Variants in ALPK1 observed in about 807,000 individuals in gnomAD.
ALPK1 encodes alpha-protein kinase 1.
ALPK1 carries 110 observed loss-of-function variants against 120.6 expected under a neutral mutation model. That is an observed-to-expected ratio of 0.91 (90% CI 0.78 to 1.07). The LOEUF (loss-of-function observed/expected upper bound fraction) is 1.07. ALPK1 is among the 50% of genes least tolerant of loss of function. ALPK1 has a pLI of 0.00. For synonymous variants in ALPK1, 582 were observed against 560.3 expected (o/e 1.04, Z -0.55); for missense variants, 1,498 against 1,483.9 (o/e 1.01, Z -0.16).
intron 4 of ALPK1, 51 bp downstream of exon 4, chr4:112,382,603 T>C: frequency 6.2e-7 from 1 of 1,613,460 alleles, no homozygotes; most frequent in Non-Finnish European, 8.5e-7. Context: ...GTGAGGCATT[T>C]AGACTCTAAG....
chr4:112,323,042 G>A (rs1302246376), intron 2 of ALPK1, among the ~76,000 whole-genome samples: 2 of 152,144 alleles, frequency 1.3e-5, no homozygotes, highest in Non-Finnish European at 2.9e-5. Flanking sequence ...GCTGACCGCA[G>A]TCACTTTCTA....
chr4:112,413,504 G>A (rs1733589900), intron 5 of ALPK1, among the ~76,000 whole-genome samples: 1 of 152,086 alleles, frequency 6.6e-6, no homozygotes, highest in South Asian at 2.1e-4. Context: ...CTGCAGCCTC[G>A]ACTTCTGGGG....
At chr4:112,389,014 C>T (rs1313122584) in intron 4 of ALPK1, among the ~76,000 whole-genome samples, 1 of 151,374 alleles carries the variant, frequency 6.6e-6, no homozygotes, top group Non-Finnish European at 1.5e-5. Flanking sequence ...TCTGTTCTTT[C>T]CATTCAGGGG....
At chr4:112,324,942 G>C (rs1414156386) in intron 2 of ALPK1, among the ~76,000 whole-genome samples, 1 of 124,670 alleles carries the variant, frequency 8.0e-6, no homozygotes, top group Admixed American at 9.2e-5. Context: ...TAATTAATGA[G>C]AAGAAGGAGA....
At chr4:112,301,695 T>C (rs973121147) in intron 1 of ALPK1, among the ~76,000 whole-genome samples, 1 of 152,190 alleles carries the variant, frequency 6.6e-6, no homozygotes, top group Admixed American at 6.5e-5. Context: ...ATTTGATACA[T>C]GGGATACAGA....
chr4:112,423,156 C>A (rs1262069533), intron 5 of ALPK1, among the ~76,000 whole-genome samples: 3 of 152,100 alleles, frequency 2.0e-5, no homozygotes, highest in African/African-American at 7.2e-5. Flanking sequence ...TCAGGGGAGG[C>A]CTTCAGAGAC....
At chr4:112,313,064 A>T (rs1232514313) in intron 1 of ALPK1, among the ~76,000 whole-genome samples, 1 of 152,246 alleles carries the variant, frequency 6.6e-6, no homozygotes, top group Admixed American at 6.5e-5. Flanking sequence ...CCAGGGGTTC[A>T]ATGTGAACTC....
At chr4:112,349,551 G>GC (rs10625139) in intron 2 of ALPK1, among the ~76,000 whole-genome samples, 36,162 of 103,612 alleles carry the variant, frequency 0.35, 6,646 homozygotes, top group East Asian at 0.58. Flanking sequence ...CCCAACCCCT[G>GC]CCCCCCCCCG....
rs532078134 is a variant in ALPK1, at chr4:112,431,471, C to T, written c.1924C>T (p.His642Tyr). 27 of 1,614,214 alleles carry T rather than the reference C, an allele frequency of 1.7e-5. No homozygotes were observed. The highest frequency in any genetic ancestry group is 1.3e-4 in the South Asian group (12 of 91,088). ...DREGRAMHSL[H>Y]SQLHDLSLQE... The stretch of plus-strand genomic sequence containing the variant: ...GGAAGGCAGAGCTATGCATTCATTG[C>T]ATTCACAGCTTCATGATCTCTCTCT... The change falls in exon 11 of 16, where the codon CAT becomes TAT. Residue 642 changes from histidine (H) to tyrosine (Y), a missense_variant. Transcript: ENST00000650871.
In ALPK1 at chr4:112,315,853, G is replaced by A. The variant is rs535957089; in HGVS notation, c.-101+1G>A. Reference sequence around the variant, plus strand: ...GAAATCTAATGAACCGAAACTTTGGGTAAGTTTTCATATGAAACTTTTGAG... The same window carrying A: ...GAAATCTAATGAACCGAAACTTTGGATAAGTTTTCATATGAAACTTTTGAG... On this transcript the variant is annotated splice_donor_variant, in intron 2 of 15. Coordinates refer to ENST00000650871, the MANE Select transcript of ALPK1 (RefSeq NM_025144.4). LOFTEE classifies it low-confidence loss of function (5UTR_SPLICE). 32 of 152,204 alleles carry A rather than the reference G, an allele frequency of 2.1e-4. No individual in the cohort carries two copies. The highest frequency in any genetic ancestry group is 3.4e-4 in the Non-Finnish European group (23 of 67,998). 9.4% of individuals were successfully genotyped at this position (152,204 alleles called of 1,614,324 possible). A position where few individuals can be genotyped will look rare whatever the true frequency, so the allele number is the denominator to read the frequency against.
intron 5 of ALPK1, among the ~76,000 whole-genome samples, chr4:112,416,875 C>CAA (rs56919059): frequency 1.7e-3 from 180 of 106,166 alleles, no homozygotes; most frequent in South Asian, 0.016. Flanking sequence ...GACCCTGTCT[C>CAA]AAAAAAAAAA....
chr4:112,310,417 A>G (rs1728342281), intron 1 of ALPK1, among the ~76,000 whole-genome samples: 1 of 152,130 alleles, frequency 6.6e-6, no homozygotes, highest in Non-Finnish European at 1.5e-5. Context: ...CCATTTAAAT[A>G]TATTTAAAGA....
chr4:112,383,456 G>A (rs956159593), intron 4 of ALPK1: 3 of 151,908 alleles, frequency 2.0e-5, no homozygotes, highest in African/African-American at 7.3e-5. Flanking sequence ...ATCTAAGAAA[G>A]ACCCCCTGAT....
chr4:112,314,230 C>A (rs1461105336), intron 1 of ALPK1, among the ~76,000 whole-genome samples: 3 of 152,150 alleles, frequency 2.0e-5, no homozygotes, highest in Non-Finnish European at 2.9e-5. Flanking sequence ...AAGTCCTCGT[C>A]TGATGAGGAT....
At chr4:112,359,920 C>CT (rs2148716373) in intron 2 of ALPK1, 1 of 177,456 alleles carries the variant, frequency 5.6e-6, no homozygotes, top group African/African-American at 2.4e-5. Context: ...CCAGAGAACA[C>CT]TTAAAATCTA....
chr4:112,316,515 T>C (rs1005622296), intron 2 of ALPK1, among the ~76,000 whole-genome samples: 15 of 152,182 alleles, frequency 9.9e-5, no homozygotes, highest in African/African-American at 3.6e-4. Context: ...TTCTTTTGGG[T>C]GTATGTAGAA....
At position 112,430,660 on chromosome 4, in the gene ALPK1, G is replaced by A; in HGVS notation, c.1113G>A (p.Glu371=). Residue 371 remains glutamate (E), a synonymous_variant, in exon 11 of 16, where the codon GAG becomes GAA. Transcript: ENST00000650871. ...CAGTGCACAGAAGGCTCCATGGGGA[G>A]ACAGGGACGGTCCATGCAGCAAGTC... ...LTTVHRRLHG[E]TGTVHAASQL... 6.2e-7 allele frequency: 1 copy of A among 1,614,160 alleles called. No individual in the cohort carries two copies. The highest frequency in any genetic ancestry group is 8.5e-7 in the Non-Finnish European group (1 of 1,180,016).
At chr4:112,434,633 A>G (rs555906360) in intron 11 of ALPK1, among the ~76,000 whole-genome samples, 247 of 152,308 alleles carry the variant, frequency 1.6e-3, no homozygotes, top group African/African-American at 5.4e-3. Flanking sequence ...TTTTTACAGC[A>G]GCTACATTTT....
chr4:112,329,450 C>T (rs977215562), intron 2 of ALPK1, among the ~76,000 whole-genome samples: 5 of 152,106 alleles, frequency 3.3e-5, no homozygotes, highest in African/African-American at 4.8e-5. Context: ...CTGCCCAGAC[C>T]CACGTATTTC....
Sources: gnomAD v4.1 joint callset for allele counts (sites outside exome capture counted in the v4.1 genomes callset) on GRCh38, gnomAD v4.1.1 for gene constraint, MANE v1.5 for transcripts, NCBI Gene and HGNC (gene_info 2026-07-23, HGNC 2026-07-21) for gene names.